The following FANCL variants were observed in gnomAD, a reference collection of about 807,000 sequenced individuals.
FANCL encodes the protein E3 ubiquitin-protein ligase FANCL.
Under a neutral mutation model 59.4 loss-of-function variants are expected in FANCL, and 69 were observed. The observed-to-expected ratio is 1.16, with a 90% confidence interval of 0.96 to 1.42. The LOEUF is 1.42. FANCL is among the 40% of genes most tolerant of loss of function. The probability of loss-of-function intolerance (pLI) is 0.00; values close to 1 mark genes in which losing one functional copy is unlikely to be tolerated. For synonymous variants in FANCL, 180 were observed against 147.1 expected (o/e 1.22, Z -1.62); for missense variants, 519 against 447.2 (o/e 1.16, Z -1.45).
rs370392756 is a variant in FANCL, at chr2:58,232,045, C to G, written c.155+9G>C. 3.8e-5 allele frequency: 61 copies of G among 1,612,276 alleles called. No homozygotes were observed. In the African/African-American group the frequency reaches 7.2e-4, roughly 19 times the overall value. On this transcript the variant is annotated intron_variant, in intron 2 of 13. Coordinates refer to ENST00000233741, the MANE Select transcript of FANCL (RefSeq NM_018062.4). ...AAAAATGCACGTTTATAACTAAACACCATATCACCTTGCATTCTTCAGTTG... is the reference window on the plus strand; with the variant it reads ...AAAAATGCACGTTTATAACTAAACAGCATATCACCTTGCATTCTTCAGTTG...
chr2:58,187,802 T>C (rs549152479), intron 7 of FANCL, among the ~76,000 whole-genome samples: 1 of 152,304 alleles, frequency 6.6e-6, no homozygotes, highest in South Asian at 2.1e-4. Flanking sequence ...ATTTTGAGTT[T>C]TATTATTGAA....
chr2:58,177,532 C>G (rs1184061662), intron 7 of FANCL, among the ~76,000 whole-genome samples: 1 of 147,304 alleles, frequency 6.8e-6, no homozygotes, highest in East Asian at 2.0e-4. Context: ...ATCGCAAGAA[C>G]AAAAAACCAA....
chr2:58,216,736 T>G (rs924113366), intron 5 of FANCL, among the ~76,000 whole-genome samples: 3 of 151,992 alleles, frequency 2.0e-5, no homozygotes, highest in African/African-American at 7.3e-5. Context: ...ACTGTCCACC[T>G]TCCCATTCAC....
chr2:58,228,966 G>A (rs1051612958), intron 3 of FANCL, among the ~76,000 whole-genome samples: 2 of 152,106 alleles, frequency 1.3e-5, no homozygotes, highest in South Asian at 2.1e-4. Context: ...GATGGAGACA[G>A]GGATGGAAAG....
chr2:58,220,124 G>C (rs972423005), intron 5 of FANCL, among the ~76,000 whole-genome samples: 1 of 152,152 alleles, frequency 6.6e-6, no homozygotes, highest in Admixed American at 6.5e-5. Flanking sequence ...ACATGCAATC[G>C]CGATTTTAGT....
intron 4 of FANCL, among the ~76,000 whole-genome samples, chr2:58,223,304 C>T (rs1203457563): frequency 8.6e-5 from 13 of 151,884 alleles, no homozygotes; most frequent in Admixed American, 6.5e-4. Context: ...AAAATAAATT[C>T]GTATTTAGGT....
At chr2:58,165,090 T>A (rs1266873709) in intron 8 of FANCL, among the ~76,000 whole-genome samples, 1 of 152,088 alleles carries the variant, frequency 6.6e-6, no homozygotes, top group Admixed American at 6.6e-5. Flanking sequence ...TTATCTAAAA[T>A]CTTGAGAAAG....
intron 2 of FANCL, 63 bp downstream of exon 2, chr2:58,231,991 C>T (rs1693628166): frequency 7.4e-7 from 1 of 1,360,312 alleles, no homozygotes; most frequent in Non-Finnish European, 1.1e-6. Flanking sequence ...CAATTTATAC[C>T]AAATGTACTG....
intron 3 of FANCL, among the ~76,000 whole-genome samples, chr2:58,229,348 TCCTG>T (rs1693349723): frequency 6.6e-6 from 1 of 152,164 alleles, no homozygotes; most frequent in Non-Finnish European, 1.5e-5. Context: ...AAGAAATTAA[TCCTG>T]CCTATTAACA....
intron 11 of FANCL, 48 bp downstream of exon 11, chr2:58,162,818 T>C: frequency 6.7e-7 from 1 of 1,502,836 alleles, no homozygotes; most frequent in East Asian, 2.3e-5. Context: ...GCATTTAAAC[T>C]TCATTATGCA....
At chr2:58,237,137 T>C (rs2103996518) in intron 1 of FANCL, among the ~76,000 whole-genome samples, 1 of 152,256 alleles carries the variant, frequency 6.6e-6, no homozygotes, top group Middle Eastern at 3.4e-3. Flanking sequence ...CTGGCATTTA[T>C]ATAATACTCT....
At chr2:58,189,342 T>C (rs148000877) in intron 7 of FANCL, among the ~76,000 whole-genome samples, 1 of 152,308 alleles carries the variant, frequency 6.6e-6, no homozygotes, top group African/African-American at 2.4e-5. Flanking sequence ...AGTAGATGTG[T>C]AGAAACTAAC....
In FANCL at chr2:58,163,648, T is replaced by C; in HGVS notation, c.692-131A>G. On this transcript the variant is annotated intron_variant, in intron 8 of 13. Coordinates refer to ENST00000233741, the MANE Select transcript of FANCL (RefSeq NM_018062.4). ...ACGGAAAGATTAACCAAATGTTTTG[T>C]AGTTTTATGTAATGGTAAATATAAT... is the stretch of plus-strand genomic sequence containing the variant. 3 of 652,222 alleles carry C rather than the reference T, an allele frequency of 4.6e-6. No individual in the cohort carries two copies. In the South Asian group the frequency reaches 5.2e-5, roughly 11 times the overall value. 40.4% of individuals were successfully genotyped at this position (652,222 alleles called of 1,614,324 possible).
chr2:58,174,880 A>G (rs1687114244), intron 7 of FANCL, among the ~76,000 whole-genome samples: 1 of 152,246 alleles, frequency 6.6e-6, no homozygotes, highest in South Asian at 2.1e-4. Flanking sequence ...AACAAAATTG[A>G]TAGACCGCTA....
At chr2:58,220,351 G>C (rs1692346271) in intron 5 of FANCL, among the ~76,000 whole-genome samples, 1 of 152,152 alleles carries the variant, frequency 6.6e-6, no homozygotes, top group Non-Finnish European at 1.5e-5. Context: ...TGCACCAAAA[G>C]AGGTATGGCC....
intron 11 of FANCL, 142 bp from the exon 12 acceptor site, chr2:58,161,780 C>T: frequency 1.5e-6 from 1 of 647,898 alleles, no homozygotes; most frequent in African/African-American, 1.8e-5. Flanking sequence ...TATTCATCAC[C>T]TCAACATTTA....
chr2:58,222,063 T>C (rs192354907), intron 4 of FANCL, 21 bp from the exon 5 acceptor site: 20 of 1,550,402 alleles, frequency 1.3e-5, no homozygotes, highest in African/African-American at 1.2e-4. Context: ...GAAGAAAACC[T>C]GAATTAGCTG....
chr2:58,177,217 G>A (rs1314742943), intron 7 of FANCL, among the ~76,000 whole-genome samples: 2 of 152,194 alleles, frequency 1.3e-5, no homozygotes, highest in Non-Finnish European at 2.9e-5. Context: ...GTGGAAGTCA[G>A]TGTGGCGATT....
At chr2:58,223,132 T>A (rs900046852) in intron 4 of FANCL, among the ~76,000 whole-genome samples, 5 of 150,412 alleles carry the variant, frequency 3.3e-5, no homozygotes, top group African/African-American at 1.2e-4. Context: ...CTGAATCTGC[T>A]TTATGATGAA....
Sources: allele counts gnomAD v4.1 joint callset (sites outside exome capture counted in the v4.1 genomes callset), GRCh38; gene constraint gnomAD v4.1.1; transcripts MANE v1.5; gene names NCBI Gene and HGNC (gene_info 2026-07-23, HGNC 2026-07-21).